BSPRY: variants seen among roughly 807,000 people sequenced by gnomAD.
The protein encoded by BSPRY is B-box and SPRY domain containing, also known as B box and SPRY domain-containing protein.
Under a neutral mutation model 38.0 loss-of-function variants are expected in BSPRY, and 33 were observed. That is an observed-to-expected ratio of 0.87 (90% CI 0.66 to 1.16). BSPRY has a LOEUF of 1.16. Ranked by LOEUF, BSPRY falls within the 50% of genes most tolerant of loss-of-function variation. The probability of loss-of-function intolerance (pLI) is 0.00; values close to 1 mark genes in which losing one functional copy is unlikely to be tolerated. For synonymous variants in BSPRY, 224 were observed against 228.5 expected (o/e 0.98, Z 0.18); for missense variants, 523 against 533.2 (o/e 0.98, Z 0.19).
chr9:113,363,306 G>A (rs962774959), intron 4 of BSPRY, among the ~76,000 whole-genome samples: 12 of 151,896 alleles, frequency 7.9e-5, no homozygotes, highest in Non-Finnish European at 1.3e-4. Flanking sequence ...GCCATGCTTC[G>A]TGCTGAGAGC....
At chr9:113,363,968 C>A in intron 4 of BSPRY, among the ~76,000 whole-genome samples, 1 of 149,808 alleles carries the variant, frequency 6.7e-6, no homozygotes, top group South Asian at 2.1e-4. Context: ...GCAGGCAGAT[C>A]GCTTGAGGTC....
intron 2 of BSPRY, among the ~76,000 whole-genome samples, chr9:113,355,582 C>G (rs1181206702): frequency 1.3e-5 from 2 of 150,514 alleles, no homozygotes; most frequent in African/African-American, 4.9e-5. Context: ...GACCTTAGTA[C>G]TGTGTTAAAT....
rs758660546 is a variant in BSPRY at position 113,369,741 on chromosome 9, G to A, written c.808G>A (p.Asp270Asn). 6 of 1,614,198 alleles carry A rather than the reference G, an allele frequency of 3.7e-6. No individual in the cohort carries two copies. The highest frequency in any genetic ancestry group is 2.2e-5 in the East Asian group (1 of 44,876). Residue 270 changes from aspartate (D) to asparagine (N), a missense_variant, in exon 6 of 6, where the codon GAC becomes AAC. Asp to Asn is a conservative substitution (Grantham distance 23). Transcript: ENST00000374183. ...KACADGPERFDHWPNALAATS... is the reference protein window; with the variant it reads ...KACADGPERFNHWPNALAATS... ...CTGTGCAGATGGCCCGGAGCGCTTC[G>A]ACCACTGGCCCAATGCCCTGGCTGC...
At chr9:113,367,337 C>G (rs1385293139) in intron 4 of BSPRY, among the ~76,000 whole-genome samples, 1 of 152,156 alleles carries the variant, frequency 6.6e-6, no homozygotes, top group Admixed American at 6.5e-5. Flanking sequence ...AAATACCTCT[C>G]CAGCAAAACC....
chr9:113,362,328 G>A (rs1834168616), intron 3 of BSPRY, 41 bp from the exon 4 acceptor site: 1 of 1,613,358 alleles, frequency 6.2e-7, no homozygotes, highest in Non-Finnish European at 8.5e-7. Context: ...TCCCTGCTGG[G>A]TATCTGGTGC....
chr9:113,361,708 G>A (rs1247886543), intron 3 of BSPRY, among the ~76,000 whole-genome samples: 1 of 152,192 alleles, frequency 6.6e-6, no homozygotes, highest in Non-Finnish European at 1.5e-5. Flanking sequence ...CTGTGCTCCG[G>A]GGAGCTGACA....
intron 4 of BSPRY, among the ~76,000 whole-genome samples, chr9:113,367,608 G>T (rs1834272348): frequency 6.6e-6 from 1 of 152,166 alleles, no homozygotes; most frequent in African/African-American, 2.4e-5. Context: ...GGTTCCAGAG[G>T]CCCAGGAGGT....
At chr9:113,366,024 C>T (rs1000140313) in intron 4 of BSPRY, among the ~76,000 whole-genome samples, 11 of 152,044 alleles carry the variant, frequency 7.2e-5, no homozygotes, top group African/African-American at 2.7e-4. Context: ...AGGCTGGTCT[C>T]GAACTCTTGA....
chr9:113,349,692 G>A lies in BSPRY; in HGVS notation c.113G>A (p.Arg38Gln), dbSNP rs1386281034. ...AGCTGGTTCTGCGGCTCCGAGCGAC[G>A]GCCCGTGTGCGCCGCCTGCGCGGGG... The part of the protein sequence containing the change: ...ALSWFCGSER[R>Q]PVCAACAGLG... Residue 38 changes from arginine to glutamine, a missense_variant, in exon 1 of 6, where the codon CGG becomes CAG. Coordinates refer to ENST00000374183, the MANE Select transcript of BSPRY (RefSeq NM_017688.3). 6.5e-6 allele frequency: 8 copies of A among 1,238,480 alleles called. No individual in the cohort carries two copies. In the East Asian group the frequency reaches 2.0e-4, roughly 31 times the overall value. 76.7% of individuals were successfully genotyped at this position (1,238,480 alleles called of 1,614,324 possible).
rs544732765 is a variant in BSPRY, at chr9:113,354,478, T to G, written c.300+140T>G. On this transcript the variant is annotated intron_variant, in intron 2 of 5. Coordinates refer to ENST00000374183, the MANE Select transcript of BSPRY (RefSeq NM_017688.3). ...GCAAAGCTTCTCATCCCTCAGAGAC[T>G]CAATTTTACCATCTGGGCAGGGTGG... 1.2e-4 allele frequency: 82 copies of G among 667,816 alleles called. 1 individual carries two copies. The Admixed American group carries it at 1.5e-3, about 13-fold the overall frequency. The allele number at this position is 667,816 out of a possible 1,614,324, so 41.4% of individuals were successfully genotyped here.
chr9:113,352,584 C>T (rs1362270802), intron 1 of BSPRY, among the ~76,000 whole-genome samples: 2 of 152,050 alleles, frequency 1.3e-5, no homozygotes, highest in Non-Finnish European at 2.9e-5. Context: ...GAAAGAAGGC[C>T]AGCATGGATA....
chr9:113,357,225 G>A (rs1834075432), intron 2 of BSPRY, among the ~76,000 whole-genome samples: 1 of 152,146 alleles, frequency 6.6e-6, no homozygotes, highest in South Asian at 2.1e-4. Context: ...AGGTGGGAGA[G>A]ATCACTGCTC....
Position 113,370,815 on chromosome 9 carries a change from T to C in BSPRY, c.*673T>C, listed in dbSNP as rs10817488. The C allele has an allele frequency of 0.41, 61,744 of 152,148 alleles. 13,128 individuals carry two copies. Among genetic ancestry groups the C allele is most frequent in the African/African-American group, 0.54 (22,337 of 41,492 alleles). 9.4% of individuals were successfully genotyped at this position (152,148 alleles called of 1,614,324 possible). A position where few individuals can be genotyped will look rare whatever the true frequency, so the allele number is the denominator to read the frequency against. ...CAGGCAGAGAAGCCTGTGGCTAAAGTTTCCACATCCCATTAACTCAGTGCT... is the reference window on the plus strand; with the variant it reads ...CAGGCAGAGAAGCCTGTGGCTAAAGCTTCCACATCCCATTAACTCAGTGCT... On this transcript the variant is annotated 3_prime_UTR_variant, in exon 6 of 6. Transcript: ENST00000374183. This position sits in a 1 kb window ranked among gnomAD's most constrained non-coding sequence, Gnocchi z 4.8.
intron 4 of BSPRY, among the ~76,000 whole-genome samples, chr9:113,364,505 TTTAA>T (rs1279590828): frequency 6.6e-6 from 1 of 150,748 alleles, no homozygotes; most frequent in African/African-American, 2.5e-5. Flanking sequence ...TTAATTGATC[TTTAA>T]TTTTTTATTC....
chr9:113,352,135 C>T lies in BSPRY; in HGVS notation c.202-2105C>T, dbSNP rs371061188. Among the ~76,000 whole-genome samples, 474 of 152,260 alleles carry T rather than the reference C, an allele frequency of 3.1e-3. 6 individuals carry two copies. Among genetic ancestry groups the T allele is most frequent in the South Asian group, 0.02 (97 of 4,826 alleles). Reference sequence around the variant, plus strand: ...CAGCTTTCCCATTTCTAAAACTCCCCTGAGCTCATGGATGATGCTCATAGC... The same window carrying T: ...CAGCTTTCCCATTTCTAAAACTCCCTTGAGCTCATGGATGATGCTCATAGC... On this transcript the variant is annotated intron_variant, in intron 1 of 5. Transcript: ENST00000374183.
rs113842877 is a variant in BSPRY at position 113,370,903 on chromosome 9, T to A, written c.*761T>A. The A allele has an allele frequency of 6.6e-6, 1 of 152,230 alleles. No individual in the cohort carries two copies. The highest frequency in any genetic ancestry group is 1.5e-5 in the Non-Finnish European group (1 of 68,050). The allele number at this position is 152,230 out of a possible 1,614,324, so 9.4% of individuals were successfully genotyped here. On this transcript the variant is annotated 3_prime_UTR_variant, in exon 6 of 6. Transcript: ENST00000374183. This position sits in a 1 kb window ranked among gnomAD's most constrained non-coding sequence, Gnocchi z 4.8. ...TTTTTTCTAGCACACAAGAGCAACC[T>A]GAAAGGCTGCTCCTGGCCAGAGGAC... is the stretch of plus-strand genomic sequence containing the variant.
intron 1 of BSPRY, among the ~76,000 whole-genome samples, chr9:113,353,985 T>C (rs1834014427): frequency 6.6e-6 from 1 of 152,098 alleles, no homozygotes; most frequent in South Asian, 2.1e-4. Context: ...CACTAGTGTG[T>C]TGGTGGCCTC....
At position 113,349,626 on chromosome 9, in the gene BSPRY, C is replaced by T; in HGVS notation, c.47C>T (p.Pro16Leu). Residue 16 changes from proline (P) to leucine (L), a missense_variant, in exon 1 of 6, where the codon CCC (proline) becomes CTC (leucine). Coordinates refer to ENST00000374183, the MANE Select transcript of BSPRY (RefSeq NM_017688.3). ...CCGGGGCCGGGGTCCGGGTCCGGGC[C>T]CGGGCCGGGGCCACTCTGCCCCGAA... ...AEPGPGSGSG[P>L]GPGPLCPEHG... is the part of the protein sequence containing the mutation. 1 of 1,206,160 alleles carries T rather than the reference C, an allele frequency of 8.3e-7. No individual in the cohort carries two copies. Among genetic ancestry groups the T allele is most frequent in the Admixed American group, 4.4e-5 (1 of 22,854 alleles). 74.7% of individuals were successfully genotyped at this position (1,206,160 alleles called of 1,614,324 possible). A position where few individuals can be genotyped will look rare whatever the true frequency, so the allele number is the denominator to read the frequency against.
At chr9:113,368,156 C>A in intron 4 of BSPRY, 103 bp from the exon 5 acceptor site, 1 of 1,455,654 alleles carries the variant, frequency 6.9e-7, no homozygotes. Flanking sequence ...CTTGGTATCG[C>A]CTGATAGGAG....
Sources: gnomAD v4.1 joint callset for allele counts (sites outside exome capture counted in the v4.1 genomes callset) on GRCh38, gnomAD v4.1.1 for gene constraint, Gnocchi (gnomAD v3.1) non-coding constraint, MANE v1.5 for transcripts, NCBI Gene and HGNC (gene_info 2026-07-23, HGNC 2026-07-21) for gene names.